The following TAP1 variants were observed in gnomAD, a reference collection of about 807,000 sequenced individuals.
TAP1 encodes transporter 1, ATP binding cassette subfamily B member.
TAP1 carries 56 observed loss-of-function variants against 79.3 expected under a neutral mutation model. That is an observed-to-expected ratio of 0.71 (90% CI 0.57 to 0.88). The LOEUF is 0.88. Ranked by LOEUF, TAP1 falls within the 40% of genes least tolerant of loss-of-function variation. The pLI, the probability that TAP1 is intolerant of heterozygous loss-of-function variation, is 0.00. For synonymous variants in TAP1, 355 were observed against 401.4 expected, an observed-to-expected ratio of 0.88 and a Z score of 1.38; for missense variants, 737 against 936.3, an observed-to-expected ratio of 0.79 and a Z score of 2.78.
At chr6:32,848,217 C>T in intron 7 of TAP1, 125 bp from the exon 8 acceptor site, 2 of 1,258,702 alleles carry the variant, frequency 1.6e-6, no homozygotes, top group East Asian at 2.5e-5. Context: ...GAAACTCCTA[C>T]CCTCCCACAT....
At position 32,852,613 on chromosome 6, in the gene TAP1, C is replaced by G; in HGVS notation, c.599-111G>C. 2 of 1,555,072 alleles carry G rather than the reference C, an allele frequency of 1.3e-6. No homozygotes were observed. Among genetic ancestry groups the G allele is most frequent in the Non-Finnish European group, 1.7e-6 (2 of 1,150,880 alleles). ...CCCTCACCATTATCCTGGAGGGCAT[C>G]AGCAGAAAGGAAACACTGACGTCTC... On this transcript the variant is annotated intron_variant, in intron 1 of 10. Coordinates refer to ENST00000354258, the MANE Select transcript of TAP1 (RefSeq NM_000593.6). The surrounding 1 kb of genome is among the most constrained non-coding windows in gnomAD (Gnocchi z 4.8).
rs1770361509 is a variant in TAP1 at position 32,845,972 on chromosome 6, AT to A, written c.2041-188del. The A allele has an allele frequency of 1.6e-6, 1 of 636,608 alleles. No individual in the cohort carries two copies. The highest frequency in any genetic ancestry group is 1.8e-5 in the African/African-American group (1 of 55,128). 39.4% of individuals were successfully genotyped at this position (636,608 alleles called of 1,614,324 possible). A position where few individuals can be genotyped will look rare whatever the true frequency, so the allele number is the denominator to read the frequency against. On this transcript the variant is annotated intron_variant, in intron 10 of 10. Coordinates refer to ENST00000354258, the MANE Select transcript of TAP1 (RefSeq NM_000593.6). The surrounding 1 kb of genome is among the most constrained non-coding windows in gnomAD (Gnocchi z 4.5). The stretch of plus-strand genomic sequence containing the variant: ...TTTGTTTCATTAAGGACTGTTTTAC[AT>A]GAAGGGTGCAAAAGTAGGATAAAAA...
Position 32,845,806 on chromosome 6 carries a change from G to A in TAP1, c.2041-21C>T, listed in dbSNP as rs552011501. The A allele has an allele frequency of 3.2e-5, 52 of 1,603,222 alleles. No homozygotes were observed. Among genetic ancestry groups the A allele is most frequent in the Middle Eastern group, 2.0e-4 (1 of 5,092 alleles). ...TCCACCTGAGGAAAGACATCGGACC[G>A]TCAGAGCCGGGGACTACCCTCAGCC... On this transcript the variant is annotated intron_variant, in intron 10 of 10. Transcript: ENST00000354258. This position sits in a 1 kb window ranked among gnomAD's most constrained non-coding sequence, Gnocchi z 4.5.
In TAP1 at chr6:32,852,796, T is replaced by C; in HGVS notation, c.598+243A>G. ...CCCTTCGGCCCCAGAGCAAAGGATT[T>C]CCCCGCTTCCGGCGTGGCCCAAAGA... On this transcript the variant is annotated intron_variant, in intron 1 of 10. Coordinates refer to ENST00000354258, the MANE Select transcript of TAP1 (RefSeq NM_000593.6). The surrounding 1 kb of genome is among the most constrained non-coding windows in gnomAD (Gnocchi z 4.8). 1 of 1,439,742 alleles carries C rather than the reference T, an allele frequency of 6.9e-7. No homozygotes were observed. The highest frequency in any genetic ancestry group is 9.1e-7 in the Non-Finnish European group (1 of 1,104,914). 89.2% of individuals were successfully genotyped at this position (1,439,742 alleles called of 1,614,324 possible).
chr6:32,851,924 T>TGTGTGAGAGAGAGAGA lies in TAP1; in HGVS notation c.844+184_844+185insTCTCTCTCTCTCACAC, dbSNP rs1554246364. 0.021 allele frequency among the ~76,000 whole-genome samples: 3,135 copies of TGTGTGAGAGAGAGAGA among 147,334 alleles called. 52 individuals carry two copies. Among genetic ancestry groups the TGTGTGAGAGAGAGAGA allele is most frequent in the East Asian group, 0.047 (237 of 5,018 alleles). ...AAAAACAATTGTGTGTGTGTGTGTG[T>TGTGTGAGAGAGAGAGA]GAGAGAGAGAGAGAGAGAGACAGAG... On this transcript the variant is annotated intron_variant, in intron 3 of 10. Coordinates refer to ENST00000354258, the MANE Select transcript of TAP1 (RefSeq NM_000593.6). The surrounding 1 kb of genome is among the most constrained non-coding windows in gnomAD (Gnocchi z 4.8).
rs1020565411 is a variant in TAP1 at position 32,850,700 on chromosome 6, C to T, written c.1051-183G>A. Among the ~76,000 whole-genome samples the T allele has an allele frequency of 2.6e-5, 4 of 152,240 alleles. No homozygotes were observed. Among genetic ancestry groups the T allele is most frequent in the East Asian group, 3.9e-4 (2 of 5,186 alleles). On this transcript the variant is annotated intron_variant, in intron 4 of 10. Transcript: ENST00000354258. This position sits in a 1 kb window ranked among gnomAD's most constrained non-coding sequence, Gnocchi z 5.5. ...CGAGGAAGAGGAAAATGACTCAGAA[C>T]GGGTTGGGGATCAAATTCTTAAAGA...
Position 32,853,096 on chromosome 6 carries a change from C to T in TAP1, c.541G>A (p.Gly181Ser). 1 of 1,612,770 alleles carries T rather than the reference C, an allele frequency of 6.2e-7. No individual in the cohort carries two copies. The highest frequency in any genetic ancestry group is 8.5e-7 in the Non-Finnish European group (1 of 1,179,982). The part of the protein sequence containing the change: ...NPVRRLLGCL[G>S]SETRRLSLFL... ...AGCGAGAGGCGGCGCGTCTCCGAGC[C>T]CAGGCAGCCTAGAAGCCGACGCACA... is the stretch of plus-strand genomic sequence containing the variant. Residue 181 changes from glycine (G) to serine (S), a missense_variant, in exon 1 of 11, where the codon GGC becomes AGC. Around this residue, in one of 5 missense-constraint regions of TAP1, gnomAD observed 406 missense variants for 477.2 expected, o/e 0.85. Transcript: ENST00000354258. The surrounding 1 kb of genome is among the most constrained non-coding windows in gnomAD (Gnocchi z 8.3).
Position 32,850,838 on chromosome 6 carries a change from G to A in TAP1, c.1050+106C>T, listed in dbSNP as rs764708755. 3.4e-5 allele frequency: 37 copies of A among 1,094,676 alleles called. No homozygotes were observed. Among genetic ancestry groups the A allele is most frequent in the Non-Finnish European group, 4.5e-5 (32 of 711,324 alleles). 67.8% of individuals were successfully genotyped at this position (1,094,676 alleles called of 1,614,324 possible). A position where few individuals can be genotyped will look rare whatever the true frequency, so the allele number is the denominator to read the frequency against. On this transcript the variant is annotated intron_variant, in intron 4 of 10. Coordinates refer to ENST00000354258, the MANE Select transcript of TAP1 (RefSeq NM_000593.6). This position sits in a 1 kb window ranked among gnomAD's most constrained non-coding sequence, Gnocchi z 5.5. ...GGTGTTCCATGAAGATGGAGAATCA[G>A]TAAGGGTGCCAGGAAAGCTGGACTG...
In TAP1 at chr6:32,853,013, C is replaced by T; in HGVS notation, c.598+26G>A. ...TCCTGTCCCAGTCCCCTTGTGTCCT[C>T]CCCTCTTGCCCTGCGTTCCCCTTAC... is the stretch of plus-strand genomic sequence containing the variant. On this transcript the variant is annotated intron_variant, in intron 1 of 10. Coordinates refer to ENST00000354258, the MANE Select transcript of TAP1 (RefSeq NM_000593.6). This position sits in a 1 kb window ranked among gnomAD's most constrained non-coding sequence, Gnocchi z 8.3. 2 of 1,603,288 alleles carry T rather than the reference C, an allele frequency of 1.2e-6. No homozygotes were observed. Among genetic ancestry groups the T allele is most frequent in the Non-Finnish European group, 1.7e-6 (2 of 1,177,538 alleles).
Position 32,851,066 on chromosome 6 carries a change from G to A in TAP1, c.928C>T (p.Leu310=). The change falls in exon 4 of 11, where the codon CTG becomes TTG. Residue 310 remains leucine (L), a synonymous_variant. Coordinates refer to ENST00000354258, the MANE Select transcript of TAP1 (RefSeq NM_000593.6). This position sits in a 1 kb window ranked among gnomAD's most constrained non-coding sequence, Gnocchi z 4.8. The part of the protein sequence containing the change: ...SENLSLFLWY[L]VRGLCLLGIM... Reference sequence around the variant, plus strand: ...CCCAAGAGACATAGGCCTCGCACCAGGTACCACAGAAATAAGCTCAGATTC... The same window carrying A: ...CCCAAGAGACATAGGCCTCGCACCAAGTACCACAGAAATAAGCTCAGATTC... 6.2e-7 allele frequency: 1 copy of A among 1,613,018 alleles called. No homozygotes were observed. Among genetic ancestry groups the A allele is most frequent in the South Asian group, 1.1e-5 (1 of 91,086 alleles).
Position 32,850,251 on chromosome 6 carries a change from C to CA in TAP1, c.1248+68dup. On this transcript the variant is annotated intron_variant, in intron 5 of 10. Coordinates refer to ENST00000354258, the MANE Select transcript of TAP1 (RefSeq NM_000593.6). The surrounding 1 kb of genome is among the most constrained non-coding windows in gnomAD (Gnocchi z 5.5). ...AGTAAAGGAGGAGTGGGAGCAGGGT[C>CA]ATAGGAATGGGAATGGAGTCACGGC... is the stretch of plus-strand genomic sequence containing the variant. The CA allele has an allele frequency of 1.3e-6, 2 of 1,527,584 alleles. No homozygotes were observed. The highest frequency in any genetic ancestry group is 2.2e-5 in the East Asian group (1 of 44,508). 94.6% of individuals were successfully genotyped at this position (1,527,584 alleles called of 1,614,324 possible).
rs1770354455 is a variant in TAP1, at chr6:32,845,903, A to T, written c.2041-118T>A. On this transcript the variant is annotated intron_variant, in intron 10 of 10. Transcript: ENST00000354258. The surrounding 1 kb of genome is among the most constrained non-coding windows in gnomAD (Gnocchi z 4.5). ...CACTGCTGGCTCTGCTAACAACCCCAAGGACACCAACGTTTCCCATTCTGA... is the reference window on the plus strand; with the variant it reads ...CACTGCTGGCTCTGCTAACAACCCCTAGGACACCAACGTTTCCCATTCTGA... 1.3e-6 allele frequency: 1 copy of T among 796,632 alleles called. No homozygotes were observed. Among genetic ancestry groups the T allele is most frequent in the Admixed American group, 2.0e-5 (1 of 49,754 alleles). The allele number at this position is 796,632 out of a possible 1,614,324, so 49.3% of individuals were successfully genotyped here.
chr6:32,852,879 G>A lies in TAP1; in HGVS notation c.598+160C>T, dbSNP rs36229526. On this transcript the variant is annotated intron_variant, in intron 1 of 10. Transcript: ENST00000354258. The surrounding 1 kb of genome is among the most constrained non-coding windows in gnomAD (Gnocchi z 4.8). ...CTCTGGCCCCCGCCAGTCCAGTGCC[G>A]TTTCTTCTACACCGAAGTGGTGTTC... 3 of 1,442,596 alleles carry A rather than the reference G, an allele frequency of 2.1e-6. No homozygotes were observed. Among genetic ancestry groups the A allele is most frequent in the Non-Finnish European group, 2.7e-6 (3 of 1,100,044 alleles). The allele number at this position is 1,442,596 out of a possible 1,614,324, so 89.4% of individuals were successfully genotyped here.
rs35429362 is a variant in TAP1, at chr6:32,851,924, T to TGAGAGAGA, written c.844+177_844+184dup. ...AAAAACAATTGTGTGTGTGTGTGTG[T>TGAGAGAGA]GAGAGAGAGAGAGAGAGAGACAGAG... On this transcript the variant is annotated intron_variant, in intron 3 of 10. Transcript: ENST00000354258. This position sits in a 1 kb window ranked among gnomAD's most constrained non-coding sequence, Gnocchi z 4.8. Among the ~76,000 whole-genome samples the TGAGAGAGA allele has an allele frequency of 1.3e-4, 19 of 147,436 alleles. No individual in the cohort carries two copies. The highest frequency in any genetic ancestry group is 2.0e-4 in the Admixed American group (3 of 14,842).
At position 32,852,842 on chromosome 6, in the gene TAP1, G is replaced by T; in HGVS notation, c.598+197C>A. ...AAAGAATCAAGACCCGGTCAGCAAT[G>T]GAGCCCAGAACCTCTGGCCCCCGCC... On this transcript the variant is annotated intron_variant, in intron 1 of 10. Transcript: ENST00000354258. The surrounding 1 kb of genome is among the most constrained non-coding windows in gnomAD (Gnocchi z 4.8). 1 of 1,440,106 alleles carries T rather than the reference G, an allele frequency of 6.9e-7. No homozygotes were observed. Among genetic ancestry groups the T allele is most frequent in the Non-Finnish European group, 9.1e-7 (1 of 1,104,512 alleles). The allele number at this position is 1,440,106 out of a possible 1,614,324, so 89.2% of individuals were successfully genotyped here.
At chr6:32,849,182 C>G in intron 5 of TAP1, 64 bp from the exon 6 acceptor site, 1 of 1,541,520 alleles carries the variant, frequency 6.5e-7, no homozygotes, top group South Asian at 1.2e-5. Flanking sequence ...CAAAGAACCG[C>G]AGTCATTAAC....
Position 32,852,035 on chromosome 6 carries a change from A to AG in TAP1, c.844+73dup. 6.3e-7 allele frequency: 1 copy of AG among 1,590,574 alleles called. No individual in the cohort carries two copies. Among genetic ancestry groups the AG allele is most frequent in the Non-Finnish European group, 8.6e-7 (1 of 1,162,224 alleles). Reference sequence around the variant, plus strand: ...TGTGTGTGAGAGAGAGAGAGCGGGGAGGGGGGAGATCAAAGCAGATGTATG... The same window carrying AG: ...TGTGTGTGAGAGAGAGAGAGCGGGGAGGGGGGGAGATCAAAGCAGATGTATG... On this transcript the variant is annotated intron_variant, in intron 3 of 10. Coordinates refer to ENST00000354258, the MANE Select transcript of TAP1 (RefSeq NM_000593.6). The surrounding 1 kb of genome is among the most constrained non-coding windows in gnomAD (Gnocchi z 4.8).
In TAP1 at chr6:32,852,247, G is replaced by A. The variant is rs1211412834; in HGVS notation, c.714-8C>T. On this transcript the variant is annotated splice_region_variant and splice_polypyrimidine_tract_variant and intron_variant, in intron 2 of 10. Coordinates refer to ENST00000354258, the MANE Select transcript of TAP1 (RefSeq NM_000593.6). The surrounding 1 kb of genome is among the most constrained non-coding windows in gnomAD (Gnocchi z 4.8). ...ACGAACTCCAGCACTGCACTATAAA[G>A]AACCCGGAAAAAAAGGGGATCAGGG... The A allele has an allele frequency of 6.2e-7, 1 of 1,612,826 alleles. No individual in the cohort carries two copies. The highest frequency in any genetic ancestry group is 8.5e-7 in the Non-Finnish European group (1 of 1,179,936).
At position 32,845,512 on chromosome 6, in the gene TAP1, G is replaced by A. The variant is rs1770308153; in HGVS notation, c.*67C>T. 1.3e-6 allele frequency: 2 copies of A among 1,545,436 alleles called. No homozygotes were observed. Among genetic ancestry groups the A allele is most frequent in the African/African-American group, 1.4e-5 (1 of 73,538 alleles). Reference sequence around the variant, plus strand: ...CCTGGAGGCAGCTGCCTACTCTGCAGCTGTGGTTCTCCACCACAGAGAGAA... The same window carrying A: ...CCTGGAGGCAGCTGCCTACTCTGCAACTGTGGTTCTCCACCACAGAGAGAA... On this transcript the variant is annotated 3_prime_UTR_variant, in exon 11 of 11. Transcript: ENST00000354258. This position sits in a 1 kb window ranked among gnomAD's most constrained non-coding sequence, Gnocchi z 4.5.
Sources: allele counts gnomAD v4.1 joint callset (sites outside exome capture counted in the v4.1 genomes callset), GRCh38; gene constraint gnomAD v4.1.1; regional missense constraint gnomAD v4.1.1; non-coding constraint Gnocchi (gnomAD v3.1); transcripts MANE v1.5; gene names NCBI Gene and HGNC (gene_info 2026-07-23, HGNC 2026-07-21).